CACNA1C: variants seen among roughly 807,000 people sequenced by gnomAD.
CACNA1C encodes the protein calcium voltage-gated channel subunit alpha1 C.
In CACNA1C, 30 loss-of-function variants were observed where a neutral mutation model predicts 229.0. The observed-to-expected ratio is 0.13, with a 90% CI of 0.10 to 0.18. The LOEUF is 0.18. CACNA1C is among the 10% of genes least tolerant of loss of function. The probability of loss-of-function intolerance (pLI) is 1.00; values close to 1 mark genes in which losing one functional copy is unlikely to be tolerated. For synonymous variants in CACNA1C, 1,114 were observed against 1,132.5 expected, an observed-to-expected ratio of 0.98 and a Z score of 0.33; for missense variants, 1,658 against 2,845.0, an observed-to-expected ratio of 0.58 and a Z score of 9.49.
intron 30 of CACNA1C, among the ~76,000 whole-genome samples, chr12:2,643,315 G>A (rs1373549220): frequency 6.6e-6 from 1 of 152,150 alleles, no homozygotes. Context: ...CTTTATCCTG[G>A]TGCGTTCCCT....
chr12:2,222,003 T>C (rs528605982), intron 3 of CACNA1C, among the ~76,000 whole-genome samples: 14 of 152,238 alleles, frequency 9.2e-5, no homozygotes, highest in Non-Finnish European at 2.1e-4. Context: ...CATATGAGTG[T>C]AGACAGGATA....
At chr12:1,997,475 T>C (rs940228102) in intron 1 of CACNA1C, among the ~76,000 whole-genome samples, 7 of 152,184 alleles carry the variant, frequency 4.6e-5, no homozygotes, top group Admixed American at 3.9e-4. Flanking sequence ...AGCCAAGAGC[T>C]GTGATCGTGC....
At chr12:2,492,905 G>A (rs1169398911) in intron 6 of CACNA1C, among the ~76,000 whole-genome samples, 1 of 152,190 alleles carries the variant, frequency 6.6e-6, no homozygotes, top group African/African-American at 2.4e-5. Context: ...GCAGCAGAAT[G>A]GGCAATAGAA....
At position 2,647,910 on chromosome 12, in the gene CACNA1C, G is replaced by T. The variant is rs2094514294; in HGVS notation, c.3913-565G>T. On this transcript the variant is annotated intron_variant, in intron 30 of 46. Transcript: ENST00000399655. This position sits in a 1 kb window ranked among gnomAD's most constrained non-coding sequence, Gnocchi z 4.2. ...GGCCAAGGCAGGAGGATCGCTTGAG[G>T]CCAGCCCACGAGTTTGAGACCAGCC... Among the ~76,000 whole-genome samples the T allele has an allele frequency of 6.6e-6, 1 of 152,164 alleles. No individual in the cohort carries two copies. The highest frequency in any genetic ancestry group is 6.5e-5 in the Admixed American group (1 of 15,278).
At chr12:2,500,035 G>GAATC (rs2099755590) in intron 7 of CACNA1C, among the ~76,000 whole-genome samples, 1 of 152,184 alleles carries the variant, frequency 6.6e-6, no homozygotes, top group Admixed American at 6.5e-5. Flanking sequence ...GCAGGCCAGA[G>GAATC]AATCACCTTC....
intron 9 of CACNA1C, among the ~76,000 whole-genome samples, chr12:2,544,843 C>T (rs1053255415): frequency 2.6e-5 from 4 of 152,186 alleles, no homozygotes; most frequent in African/African-American, 9.7e-5. Flanking sequence ...ATTGGTTGTG[C>T]GACATGCAGT....
intron 3 of CACNA1C, among the ~76,000 whole-genome samples, chr12:2,313,306 G>C (rs1316390476): frequency 2.6e-5 from 4 of 152,178 alleles, no homozygotes; most frequent in African/African-American, 9.7e-5. Flanking sequence ...TCTGCGGGCT[G>C]AGATGGTCAA....
intron 1 of CACNA1C, among the ~76,000 whole-genome samples, chr12:1,976,869 G>A (rs2154461472): frequency 6.6e-6 from 1 of 151,582 alleles, no homozygotes; most frequent in East Asian, 1.9e-4. Context: ...GGAGGGGGAG[G>A]AAGGAAAGTA....
intron 7 of CACNA1C, among the ~76,000 whole-genome samples, chr12:2,501,233 A>AAAAAAAAAAAAAAAC: frequency 6.7e-6 from 1 of 149,000 alleles, no homozygotes; most frequent in African/African-American, 2.5e-5. Flanking sequence ...AAAAAAAAAA[A>AAAAAAAAAAAAAAAC]AGTAAAGCAA....
At chr12:2,193,499 C>T (rs2097306314) in intron 3 of CACNA1C, among the ~76,000 whole-genome samples, 1 of 152,224 alleles carries the variant, frequency 6.6e-6, no homozygotes. Flanking sequence ...TCCATGCACT[C>T]CTTCCCTGTA....
chr12:2,677,918 C>T lies in CACNA1C; in HGVS notation c.5091+51C>T. The T allele has an allele frequency of 6.2e-7, 1 of 1,602,436 alleles. No individual in the cohort carries two copies. The highest frequency in any genetic ancestry group is 1.7e-5 in the Admixed American group (1 of 59,842). On this transcript the variant is annotated intron_variant, in intron 41 of 46. Transcript: ENST00000399655. This position sits in a 1 kb window ranked among gnomAD's most constrained non-coding sequence, Gnocchi z 7.4. Reference sequence around the variant, plus strand: ...GACCCCTATAAAGTTCAGTTTGGAGCAAGAGGTTGGGCTGGGGTTTTGCGG... The same window carrying T: ...GACCCCTATAAAGTTCAGTTTGGAGTAAGAGGTTGGGCTGGGGTTTTGCGG...
intron 3 of CACNA1C, among the ~76,000 whole-genome samples, chr12:2,337,437 C>T (rs1323146459): frequency 2.0e-5 from 3 of 152,198 alleles, no homozygotes; most frequent in African/African-American, 7.2e-5. Flanking sequence ...CCTCCAGCCT[C>T]GCCACAGTGA....
At chr12:2,150,169 G>A (rs956306408) in intron 3 of CACNA1C, among the ~76,000 whole-genome samples, 2 of 152,286 alleles carry the variant, frequency 1.3e-5, no homozygotes, top group African/African-American at 2.4e-5. Context: ...GAGCAGAGAC[G>A]CAGTTCCAGT....
chr12:2,485,743 A>G (rs1227602167), intron 5 of CACNA1C, among the ~76,000 whole-genome samples: 1 of 152,180 alleles, frequency 6.6e-6, no homozygotes, highest in African/African-American at 2.4e-5. Flanking sequence ...TTGAGTCCAC[A>G]TGAGCTCTCA....
At chr12:2,620,700 A>T (rs533330015) in intron 29 of CACNA1C, among the ~76,000 whole-genome samples, 1 of 152,338 alleles carries the variant, frequency 6.6e-6, no homozygotes, top group East Asian at 1.9e-4. Context: ...AGGAAAGTGA[A>T]ACCGAAGCCT....
chr12:2,458,828 G>C (rs1251765669), intron 5 of CACNA1C, among the ~76,000 whole-genome samples: 1 of 152,112 alleles, frequency 6.6e-6, no homozygotes, highest in East Asian at 1.9e-4. Flanking sequence ...ATAGTGAAAA[G>C]ATCTTCCTGT....
intron 3 of CACNA1C, among the ~76,000 whole-genome samples, chr12:2,205,177 TC>T (rs1322907432): frequency 6.6e-6 from 1 of 152,152 alleles, no homozygotes; most frequent in African/African-American, 2.4e-5. Context: ...AGCCATGTAT[TC>T]GGGCACTTCT....
chr12:2,416,014 T>G (rs998281806), intron 3 of CACNA1C, among the ~76,000 whole-genome samples: 3 of 152,132 alleles, frequency 2.0e-5, no homozygotes, highest in Non-Finnish European at 4.4e-5. Flanking sequence ...GGTTTCAGGC[T>G]TTGCTGAGGT....
intron 4 of CACNA1C, among the ~76,000 whole-genome samples, 194 bp downstream of exon 4, chr12:2,449,309 G>C (rs4765933): frequency 2.0e-5 from 3 of 152,014 alleles, no homozygotes; most frequent in African/African-American, 7.3e-5. Context: ...AAGTGAGAGA[G>C]TGCGCTTCCT....
Sources: gnomAD v4.1 joint callset for allele counts (sites outside exome capture counted in the v4.1 genomes callset) on GRCh38, gnomAD v4.1.1 for gene constraint, Gnocchi (gnomAD v3.1) non-coding constraint, MANE v1.5 for transcripts, NCBI Gene and HGNC (gene_info 2026-07-23, HGNC 2026-07-21) for gene names.